RIT2: variants seen among roughly 807,000 people sequenced by gnomAD.
RIT2 encodes the protein Ras like without CAAX 2, also known as GTP-binding protein Rit2.
A neutral mutation model predicts 23.7 loss-of-function variants in RIT2; 24 were observed. The observed-to-expected ratio is 1.01, with a 90% confidence interval of 0.73 to 1.43. The LOEUF (loss-of-function observed/expected upper bound fraction) is 1.43. Among genes scored for constraint, RIT2 ranks in the 40% most tolerant of loss-of-function variants. The pLI is 0.00. For missense variants in RIT2, 236 were observed against 266.9 expected (o/e 0.88, Z 0.81); for synonymous variants, 107 against 91.1 (o/e 1.17, Z -0.99).
chr18:42,922,603 C>T (rs960426708), intron 4 of RIT2, among the ~76,000 whole-genome samples: 3 of 152,230 alleles, frequency 2.0e-5, no homozygotes, highest in Admixed American at 2.0e-4. Flanking sequence ...ACCAGGGCAA[C>T]TGATTTATCA....
intron 3 of RIT2, among the ~76,000 whole-genome samples, chr18:42,939,179 G>T (rs1042177628): frequency 6.6e-6 from 1 of 152,040 alleles, no homozygotes; most frequent in African/African-American, 2.4e-5. Flanking sequence ...AAATTATATC[G>T]GCAAGAGGCT....
rs1241249568 is a variant in RIT2 at position 42,923,722 on chromosome 18, C to A, written c.276G>T (p.Gly92=). 6.2e-7 allele frequency: 1 copy of A among 1,612,892 alleles called. No individual in the cohort carries two copies. Among genetic ancestry groups the A allele is most frequent in the African/African-American group, 1.3e-5 (1 of 74,624 alleles). ...TAMREQYMRG[G]EGFIICYSVT... ...CGGAGTAGCAGATGATGAAGCCTTCCCCACCTCGCATGTACTGCTCCCGCA... is the reference window on the plus strand; with the variant it reads ...CGGAGTAGCAGATGATGAAGCCTTCACCACCTCGCATGTACTGCTCCCGCA... The change falls in exon 4 of 5, where the codon GGG becomes GGT. Residue 92 remains glycine (G), a synonymous_variant. Coordinates refer to ENST00000326695, the MANE Select transcript of RIT2 (RefSeq NM_002930.4).
intron 4 of RIT2, among the ~76,000 whole-genome samples, chr18:42,878,700 G>A (rs549678604): frequency 2.0e-5 from 3 of 151,452 alleles, no homozygotes; most frequent in East Asian, 3.9e-4. Context: ...AAAACATTTC[G>A]TTATTCTTTT....
At chr18:42,988,223 A>G (rs1228282471) in intron 2 of RIT2, among the ~76,000 whole-genome samples, 1 of 152,188 alleles carries the variant, frequency 6.6e-6, no homozygotes, top group Non-Finnish European at 1.5e-5. Flanking sequence ...CTTTAAAAAA[A>G]AAGTTTTAAA....
intron 3 of RIT2, among the ~76,000 whole-genome samples, chr18:42,945,137 TC>T: frequency 6.6e-6 from 1 of 152,264 alleles, no homozygotes; most frequent in African/African-American, 2.4e-5. Context: ...TTAATTTCTA[TC>T]CAATTTTATT....
chr18:42,859,981 A>AC (rs1276633285), intron 4 of RIT2, among the ~76,000 whole-genome samples: 1 of 143,394 alleles, frequency 7.0e-6, no homozygotes, highest in Non-Finnish European at 1.5e-5. Context: ...CCTTGATTTA[A>AC]AAAAAAAAAT....
At chr18:42,843,208 AT>A (rs542137966) in intron 4 of RIT2, among the ~76,000 whole-genome samples, 2 of 152,180 alleles carry the variant, frequency 1.3e-5, no homozygotes, top group Non-Finnish European at 2.9e-5. Flanking sequence ...GGCTATAGTG[AT>A]TCCAGGTAGG....
intron 3 of RIT2, among the ~76,000 whole-genome samples, chr18:42,934,507 C>T (rs1177546554): frequency 2.0e-5 from 3 of 152,032 alleles, no homozygotes; most frequent in African/African-American, 7.2e-5. Flanking sequence ...AGGCTGGTTT[C>T]TATTATGGTA....
intron 4 of RIT2, among the ~76,000 whole-genome samples, chr18:42,810,441 TATTA>T (rs141039608): frequency 4.8e-4 from 73 of 152,026 alleles, no homozygotes; most frequent in South Asian, 1.2e-3. Context: ...TAAAGTAACC[TATTA>T]ATTTTTTTTT....
chr18:43,029,759 A>T (rs1911812902), intron 2 of RIT2, among the ~76,000 whole-genome samples: 1 of 152,058 alleles, frequency 6.6e-6, no homozygotes, highest in South Asian at 2.1e-4. Context: ...AAGAGGAAGG[A>T]TTAGGAGAGC....
chr18:43,104,716 T>C (rs1020710081), intron 1 of RIT2, among the ~76,000 whole-genome samples: 6 of 151,954 alleles, frequency 3.9e-5, no homozygotes, highest in Admixed American at 3.9e-4. Context: ...AATAAATAAA[T>C]AAATAAATAT....
intron 4 of RIT2, among the ~76,000 whole-genome samples, chr18:42,780,001 T>C (rs560676955): frequency 3.3e-5 from 5 of 150,558 alleles, no homozygotes; most frequent in African/African-American, 1.2e-4. Context: ...TCTAAATGTT[T>C]TATATATATT....
chr18:42,776,244 T>C (rs1913669452), intron 4 of RIT2, among the ~76,000 whole-genome samples: 1 of 152,202 alleles, frequency 6.6e-6, no homozygotes, highest in South Asian at 2.1e-4. Context: ...AGAATAAAGA[T>C]AGGTGACAAT....
rs577389526 is a variant in RIT2 at position 42,837,737 on chromosome 18, C to T, written c.426+85835G>A. On this transcript the variant is annotated intron_variant, in intron 4 of 4. Transcript: ENST00000326695. Reference sequence around the variant, plus strand: ...GGTCTTTCTGTAGTCCCAGTTTGAGCCATTAAGCCAATTTCCCCAGGTGGT... The same window carrying T: ...GGTCTTTCTGTAGTCCCAGTTTGAGTCATTAAGCCAATTTCCCCAGGTGGT... Among the ~76,000 whole-genome samples the T allele has an allele frequency of 3.9e-5, 6 of 152,140 alleles. No homozygotes were observed. In the East Asian group the frequency reaches 1.2e-3, roughly 29 times the overall value.
chr18:42,936,382 T>G (rs1192806390), intron 3 of RIT2, among the ~76,000 whole-genome samples: 1 of 152,144 alleles, frequency 6.6e-6, no homozygotes, highest in Non-Finnish European at 1.5e-5. Flanking sequence ...ACCCAAACTT[T>G]CATCACACTG....
intron 4 of RIT2, among the ~76,000 whole-genome samples, chr18:42,786,171 G>A (rs562638894): frequency 6.6e-6 from 1 of 152,082 alleles, no homozygotes; most frequent in East Asian, 2.0e-4. Flanking sequence ...CTGGCAAGGA[G>A]GCTCAATGTA....
At chr18:42,874,119 T>C (rs1907688256) in intron 4 of RIT2, among the ~76,000 whole-genome samples, 1 of 152,158 alleles carries the variant, frequency 6.6e-6, no homozygotes, top group South Asian at 2.1e-4. Flanking sequence ...AGTATGAAAC[T>C]AAAACCTTGG....
intron 4 of RIT2, among the ~76,000 whole-genome samples, chr18:42,910,339 G>A (rs560467220): frequency 6.6e-6 from 1 of 152,170 alleles, no homozygotes; most frequent in African/African-American, 2.4e-5. Flanking sequence ...ACTTATATGT[G>A]GGCTGTAAGA....
At chr18:42,852,038 C>T (rs1176354906) in intron 4 of RIT2, among the ~76,000 whole-genome samples, 1 of 152,042 alleles carries the variant, frequency 6.6e-6, no homozygotes, top group Non-Finnish European at 1.5e-5. Flanking sequence ...GTCTGATCTC[C>T]AGTTCAAAGT....
Sources: gnomAD v4.1 joint callset for allele counts (sites outside exome capture counted in the v4.1 genomes callset) on GRCh38, gnomAD v4.1.1 for gene constraint, MANE v1.5 for transcripts, NCBI Gene and HGNC (gene_info 2026-07-23, HGNC 2026-07-21) for gene names.